The following TMEM260 variants were observed in gnomAD, a reference collection of about 807,000 sequenced individuals.
TMEM260 encodes the protein protein O-mannosyl-transferase TMEM260.
In TMEM260, 82 loss-of-function variants were observed where a neutral mutation model predicts 88.9. The observed-to-expected ratio is 0.92, with a 90% CI of 0.77 to 1.11. The LOEUF (loss-of-function observed/expected upper bound fraction) is 1.11. Ranked by LOEUF, TMEM260 falls within the 50% of genes least tolerant of loss-of-function variation. TMEM260 has a pLI of 0.00. For synonymous variants in TMEM260, 314 were observed against 309.3 expected, an observed-to-expected ratio of 1.02 and a Z score of -0.16; for missense variants, 902 against 853.4, an observed-to-expected ratio of 1.06 and a Z score of -0.71.
chr14:56,613,694 T>A (rs1251475028), intron 7 of TMEM260: 2 of 152,116 alleles, frequency 1.3e-5, no homozygotes, highest in African/African-American at 4.8e-5. Flanking sequence ...TATTTCTTTT[T>A]ATGTGTGAGA....
In TMEM260 at chr14:56,609,205, C is replaced by T. The variant is rs140983222; in HGVS notation, c.736C>T (p.Arg246Trp). ...CATCTCATCTTACCTTAATCACGCC[C>T]GGTGGACCTGGGGAGACCAGACAAC... ...LPISSYLNHA[R>W]WTWGDQTTLQ... Residue 246 changes from arginine to tryptophan, a missense_variant, in exon 6 of 16, where the codon CGG becomes TGG. Coordinates refer to ENST00000261556, the MANE Select transcript of TMEM260 (RefSeq NM_017799.4). 119 of 1,614,124 alleles carry T rather than the reference C, an allele frequency of 7.4e-5. 1 individual carries two copies. Among genetic ancestry groups the T allele is most frequent in the Middle Eastern group, 1.6e-4 (1 of 6,062 alleles).
chr14:56,628,840 T>C (rs1888399539), intron 12 of TMEM260, among the ~76,000 whole-genome samples: 1 of 152,142 alleles, frequency 6.6e-6, no homozygotes, highest in East Asian at 1.9e-4. Context: ...AATATTGATA[T>C]GTTTAGATGT....
chr14:56,652,620 C>G, downstream of TMEM260, among the ~76,000 whole-genome samples: 1 of 151,926 alleles, frequency 6.6e-6, no homozygotes, highest in East Asian at 1.9e-4. Context: ...AACTAGGGTT[C>G]CTTAGTCTGA....
At chr14:56,602,841 T>C (rs368212938) in intron 3 of TMEM260, among the ~76,000 whole-genome samples, 1 of 152,128 alleles carries the variant, frequency 6.6e-6, no homozygotes, top group Non-Finnish European at 1.5e-5. Flanking sequence ...ACTAAAGCCA[T>C]AGAACTACCC....
chr14:56,645,163 T>TA (rs1889870597), intron 15 of TMEM260, among the ~76,000 whole-genome samples: 1 of 151,344 alleles, frequency 6.6e-6, no homozygotes, highest in Non-Finnish European at 1.5e-5. Context: ...CAAAGGATTA[T>TA]AAATCATGCT....
intron 12 of TMEM260, among the ~76,000 whole-genome samples, 175 bp from the exon 13 acceptor site, chr14:56,632,820 C>T (rs1488456587): frequency 6.6e-6 from 1 of 152,104 alleles, no homozygotes; most frequent in East Asian, 1.9e-4. Context: ...AGATAGTTGC[C>T]ATACCTCTTT....
At chr14:56,630,773 G>C (rs1218105168) in intron 12 of TMEM260, among the ~76,000 whole-genome samples, 1 of 152,062 alleles carries the variant, frequency 6.6e-6, no homozygotes, top group Admixed American at 6.6e-5. Context: ...TGGACATTTT[G>C]AATATTTGGG....
intron 15 of TMEM260, among the ~76,000 whole-genome samples, chr14:56,639,137 C>G (rs1386875435): frequency 6.6e-6 from 1 of 152,104 alleles, no homozygotes; most frequent in African/African-American, 2.4e-5. Flanking sequence ...CTATTTTGGA[C>G]TTCAACACCT....
chr14:56,609,031 T>A, intron 5 of TMEM260, 75 bp from the exon 6 acceptor site: 1 of 1,438,690 alleles, frequency 7.0e-7, no homozygotes, highest in South Asian at 1.2e-5. Context: ...ATGTTTTCCT[T>A]GATATGTTCT....
intron 15 of TMEM260, among the ~76,000 whole-genome samples, chr14:56,643,495 T>G (rs1214030853): frequency 6.6e-6 from 1 of 152,076 alleles, no homozygotes; most frequent in Non-Finnish European, 1.5e-5. Flanking sequence ...AATTAGGTAT[T>G]GATGGGACGT....
intron 15 of TMEM260, among the ~76,000 whole-genome samples, chr14:56,643,288 A>G (rs1356730685): frequency 9.9e-5 from 15 of 152,174 alleles, no homozygotes; most frequent in South Asian, 4.1e-4. Context: ...GAATCCAGCA[A>G]CACATCACAA....
chr14:56,650,733 A>G (rs1890190578), downstream of TMEM260: 3 of 149,870 alleles, frequency 2.0e-5, no homozygotes, highest in Admixed American at 2.1e-4. Context: ...TTAAGTCATC[A>G]GGCTAGGATA....
chr14:56,601,579 C>G (rs543155725), intron 3 of TMEM260, among the ~76,000 whole-genome samples: 1 of 152,142 alleles, frequency 6.6e-6, no homozygotes, highest in East Asian at 1.9e-4. Context: ...AAACTTTTAC[C>G]CACTAGTTTT....
downstream of TMEM260, among the ~76,000 whole-genome samples, chr14:56,653,563 A>C (rs1890243254): frequency 6.6e-6 from 1 of 151,668 alleles, no homozygotes; most frequent in Admixed American, 6.6e-5. Context: ...GCAAAACCCC[A>C]TCTCTACTAA....
intron 12 of TMEM260, 96 bp downstream of exon 12, chr14:56,625,626 C>G: frequency 6.7e-6 from 6 of 900,332 alleles, no homozygotes; most frequent in Non-Finnish European, 9.9e-6. Context: ...GACCAATTTT[C>G]TCTGCCTATT....
intron 5 of TMEM260, among the ~76,000 whole-genome samples, chr14:56,607,577 T>G (rs1041132151): frequency 5.3e-5 from 8 of 152,204 alleles, no homozygotes; most frequent in Non-Finnish European, 1.2e-4. Context: ...CCTGGCTGCT[T>G]ACTTATCTGA....
chr14:56,600,077 A>G (rs1362755052), intron 3 of TMEM260, among the ~76,000 whole-genome samples: 1 of 152,234 alleles, frequency 6.6e-6, no homozygotes, highest in East Asian at 1.9e-4. Flanking sequence ...GTGTTGAAAT[A>G]TGTGCATTTT....
At chr14:56,628,776 T>TATC (rs758967120) in intron 12 of TMEM260, among the ~76,000 whole-genome samples, 3 of 152,192 alleles carry the variant, frequency 2.0e-5, no homozygotes, top group Non-Finnish European at 4.4e-5. Context: ...CTTATTTTAC[T>TATC]ATCTCAGATC....
intron 3 of TMEM260, among the ~76,000 whole-genome samples, chr14:56,589,671 A>T (rs1318461741): frequency 1.3e-5 from 2 of 152,208 alleles, no homozygotes; most frequent in African/African-American, 4.8e-5. Context: ...GATCAATTTC[A>T]GTAATCCTTA....
Sources: gnomAD v4.1 joint callset for allele counts (sites outside exome capture counted in the v4.1 genomes callset) on GRCh38, gnomAD v4.1.1 for gene constraint, MANE v1.5 for transcripts, NCBI Gene and HGNC (gene_info 2026-07-23, HGNC 2026-07-21) for gene names.